Variants in CUBN observed in about 807,000 individuals in gnomAD.
The protein encoded by CUBN is cubilin, also known as 460 kDa receptor.
A neutral mutation model predicts 405.3 loss-of-function variants in CUBN; 282 were observed. The ratio of observed to expected loss-of-function variants is 0.70; its 90% CI spans 0.63 to 0.77. CUBN has a LOEUF of 0.77. Ranked by LOEUF, CUBN falls within the 30% of genes least tolerant of loss-of-function variation. The pLI is 0.00. For missense variants in CUBN, 4,514 were observed against 4,475.2 expected (o/e 1.01, Z -0.25); for synonymous variants, 1,684 against 1,617.0 (o/e 1.04, Z -0.99).
At chr10:16,965,806 A>G in intron 31 of CUBN, 1 of 307,442 alleles carries the variant, frequency 3.3e-6, no homozygotes, top group South Asian at 2.6e-5. Context: ...TCTGAACCAG[A>G]CACTGATAGG....
At chr10:17,107,749 G>A (rs967477282) in intron 10 of CUBN, among the ~76,000 whole-genome samples, 4 of 151,812 alleles carry the variant, frequency 2.6e-5, no homozygotes, top group Admixed American at 6.6e-5. Flanking sequence ...CACCTGCCTC[G>A]ACCTCCCAAA....
At chr10:17,109,972 G>A (rs1216041370) in intron 9 of CUBN, among the ~76,000 whole-genome samples, 1 of 152,176 alleles carries the variant, frequency 6.6e-6, no homozygotes, top group Non-Finnish European at 1.5e-5. Context: ...AAAAAAATAT[G>A]TATAAAACTA....
Position 17,033,759 on chromosome 10 carries a change from T to C in CUBN, c.4017+7274A>G, listed in dbSNP as rs563394932. 5.0e-4 allele frequency among the ~76,000 whole-genome samples: 76 copies of C among 152,352 alleles called. No homozygotes were observed. The South Asian group carries it at 0.012, about 23-fold the overall frequency. ...ATGGAAGCCAGGAACACCTGCCTTT[T>C]ACTCTGATGTGATTAGAAATAACCT... On this transcript the variant is annotated intron_variant, in intron 27 of 66. Transcript: ENST00000377833.
intron 28 of CUBN, among the ~76,000 whole-genome samples, chr10:17,014,806 G>T (rs764785379): frequency 1.3e-5 from 2 of 152,204 alleles, no homozygotes; most frequent in Non-Finnish European, 2.9e-5. Flanking sequence ...ACAGATGAAG[G>T]CTATCCCTAA....
intron 22 of CUBN, among the ~76,000 whole-genome samples, chr10:17,052,018 G>A (rs1453832350): frequency 6.6e-6 from 1 of 151,090 alleles, no homozygotes; most frequent in African/African-American, 2.5e-5. Context: ...TTAGAAAACA[G>A]AAACAAGGAA....
chr10:17,083,768 C>T (rs1408271247), intron 17 of CUBN, among the ~76,000 whole-genome samples: 1 of 152,144 alleles, frequency 6.6e-6, no homozygotes, highest in Non-Finnish European at 1.5e-5. Context: ...TTTTATCTTG[C>T]TCAACACTTT....
intron 48 of CUBN, among the ~76,000 whole-genome samples, chr10:16,910,247 CCTCCTT>C (rs1257336951): frequency 6.6e-6 from 1 of 151,748 alleles, no homozygotes; most frequent in African/African-American, 2.4e-5. Flanking sequence ...CTCTTCTCCT[CCTCCTT>C]CTCCTTCTCT....
intron 41 of CUBN, among the ~76,000 whole-genome samples, chr10:16,927,481 G>A (rs1842225677): frequency 6.6e-6 from 1 of 152,122 alleles, no homozygotes; most frequent in African/African-American, 2.4e-5. Context: ...TAAGCATGGA[G>A]GAAATATTAG....
chr10:16,970,129 G>A (rs1349044386), intron 31 of CUBN, among the ~76,000 whole-genome samples: 11 of 152,204 alleles, frequency 7.2e-5, no homozygotes, highest in Admixed American at 7.2e-4. Flanking sequence ...GCAGTGTCTG[G>A]TACATATTTG....
chr10:17,114,155 A>G lies in CUBN; in HGVS notation c.755T>C (p.Met252Thr), dbSNP rs1489320487. ...GCAGGCAGGGCTGTTGGGTGAAAAC[A>G]TCCACCCAGCATCACAGACGCAGCT... is the stretch of plus-strand genomic sequence containing the variant. ...KYSCVCDAGW[M>T]FSPNSPACTL... Residue 252 changes from methionine to threonine, a missense_variant, in exon 8 of 67, where the codon ATG becomes ACG. Physicochemically the swap from Met to Thr is moderately conservative, Grantham distance 81. Around this residue, in one of 5 missense-constraint regions of CUBN, gnomAD observed 1,448 missense variants for 1,388.0 expected, o/e 1.04. Coordinates refer to ENST00000377833, the MANE Select transcript of CUBN (RefSeq NM_001081.4). 1.2e-6 allele frequency: 2 copies of G among 1,613,764 alleles called. No homozygotes were observed.
rs776683073 is a variant in CUBN, at chr10:17,041,119, G to T, written c.3931C>A (p.Arg1311=). 9 of 1,613,192 alleles carry T rather than the reference G, an allele frequency of 5.6e-6. No homozygotes were observed. Among genetic ancestry groups the T allele is most frequent in the Non-Finnish European group, 7.6e-6 (9 of 1,179,646 alleles). ...TTCACAGTGTTGCCTGTTGTTGCCCGGATGGTCCAGTTGCAATGCTGATTT... is the reference window on the plus strand; with the variant it reads ...TTCACAGTGTTGCCTGTTGTTGCCCTGATGGTCCAGTTGCAATGCTGATTT... ...SENQHCNWTI[R]ATTGNTVNYT... Residue 1311 remains arginine (R), a synonymous_variant, in exon 27 of 67, where the codon CGG becomes AGG. Transcript: ENST00000377833.
intron 31 of CUBN, among the ~76,000 whole-genome samples, chr10:16,981,960 C>T (rs1384892764): frequency 1.3e-5 from 2 of 152,166 alleles, no homozygotes; most frequent in African/African-American, 4.8e-5. Flanking sequence ...GAAGCAGAAT[C>T]CTGTGAAAAT....
chr10:17,068,617 C>G lies in CUBN; in HGVS notation c.2779G>C (p.Ala927Pro). ...ENHGFMAKFS[A>P]EDLACGEILT... ...AACAGTCTCTTACCCAAATCCTCAG[C>G]ACTGAACTTAGCCATGAAACCATGG... Residue 927 changes from alanine to proline, a missense_variant, in exon 20 of 67, where the codon GCT (alanine) becomes CCT (proline). Around this residue, in one of 5 missense-constraint regions of CUBN, gnomAD observed 1,448 missense variants for 1,388.0 expected, o/e 1.04. Coordinates refer to ENST00000377833, the MANE Select transcript of CUBN (RefSeq NM_001081.4). The G allele has an allele frequency of 6.2e-7, 1 of 1,612,498 alleles. No homozygotes were observed. Among genetic ancestry groups the G allele is most frequent in the Non-Finnish European group, 8.5e-7 (1 of 1,179,096 alleles).
chr10:16,838,476 T>TA (rs1363460614), intron 62 of CUBN, among the ~76,000 whole-genome samples: 2 of 152,204 alleles, frequency 1.3e-5, no homozygotes, highest in Non-Finnish European at 2.9e-5. Context: ...TTGCATATTT[T>TA]CCCCAGATAA....
chr10:16,846,482 T>A (rs1192786958), intron 60 of CUBN, among the ~76,000 whole-genome samples: 3 of 152,300 alleles, frequency 2.0e-5, no homozygotes, highest in South Asian at 4.1e-4. Context: ...GGTTATAGCA[T>A]AGATGACATT....
intron 17 of CUBN, among the ~76,000 whole-genome samples, chr10:17,075,073 C>CTTTTTTTTTTTTTTT (rs957929670): frequency 3.1e-5 from 2 of 65,320 alleles, no homozygotes; most frequent in African/African-American, 6.4e-5. Flanking sequence ...TCTTTGTTTT[C>CTTTTTTTTTTTTTTT]TTTTTTTTTT....
rs542406013 is a variant in CUBN at position 17,123,795 on chromosome 10, C to T, written c.388-106G>A. The T allele has an allele frequency of 7.1e-4, 523 of 737,522 alleles. 1 individual carries two copies. Among genetic ancestry groups the T allele is most frequent in the Non-Finnish European group, 1.1e-3 (454 of 407,828 alleles). The allele number at this position is 737,522 out of a possible 1,614,324, so 45.7% of individuals were successfully genotyped here. The stretch of plus-strand genomic sequence containing the variant: ...CATTTAACTCTTAATCAGTGGGGGT[C>T]TCCTTCTACACTTTAAAGCCATTAC... On this transcript the variant is annotated intron_variant, in intron 4 of 66. Coordinates refer to ENST00000377833, the MANE Select transcript of CUBN (RefSeq NM_001081.4).
chr10:16,870,757 G>T (rs1840326849), intron 58 of CUBN, among the ~76,000 whole-genome samples: 1 of 152,196 alleles, frequency 6.6e-6, no homozygotes, highest in Non-Finnish European at 1.5e-5. Flanking sequence ...AACTTGTTGA[G>T]TTAAGCTGCT....
intron 28 of CUBN, among the ~76,000 whole-genome samples, chr10:17,019,481 T>C (rs150104790): frequency 1.5e-4 from 23 of 152,254 alleles, no homozygotes; most frequent in Non-Finnish European, 3.2e-4. Context: ...TTCTATTCCA[T>C]TGCACCTGAG....
Sources: allele counts gnomAD v4.1 joint callset (sites outside exome capture counted in the v4.1 genomes callset), GRCh38; gene constraint gnomAD v4.1.1; regional missense constraint gnomAD v4.1.1; transcripts MANE v1.5; gene names NCBI Gene and HGNC (gene_info 2026-07-23, HGNC 2026-07-21).